RFX4: variants seen among roughly 807,000 people sequenced by gnomAD.
RFX4 encodes regulatory factor X4, also known as transcription factor RFX4.
RFX4 carries 10 observed loss-of-function variants against 95.0 expected under a neutral mutation model. That is an observed-to-expected ratio of 0.11 (90% CI 0.06 to 0.18). The LOEUF is 0.18. Ranked by LOEUF, RFX4 falls within the 10% of genes least tolerant of loss-of-function variation. The pLI is 1.00. For synonymous variants in RFX4, 321 were observed against 340.7 expected, an observed-to-expected ratio of 0.94 and a Z score of 0.64; for missense variants, 640 against 922.0, an observed-to-expected ratio of 0.69 and a Z score of 3.96.
chr12:106,697,778 C>T (rs2041909535), intron 8 of RFX4, among the ~76,000 whole-genome samples: 1 of 152,060 alleles, frequency 6.6e-6, no homozygotes, highest in African/African-American at 2.4e-5. Context: ...CTTTTCCCCA[C>T]CCCTGTCTTA....
At chr12:106,630,242 G>C (rs2040392208) in intron 2 of RFX4, among the ~76,000 whole-genome samples, 1 of 152,002 alleles carries the variant, frequency 6.6e-6, no homozygotes, top group Non-Finnish European at 1.5e-5. Flanking sequence ...TGTGGTTTTT[G>C]TTTCCCTCAC....
At chr12:106,730,864 G>T (rs2042597701) in intron 13 of RFX4, among the ~76,000 whole-genome samples, 1 of 152,194 alleles carries the variant, frequency 6.6e-6, no homozygotes, top group Non-Finnish European at 1.5e-5. Context: ...GCCAGGCATG[G>T]TGGCACGCAC....
At chr12:106,732,358 T>C in intron 14 of RFX4, 109 bp downstream of exon 14, 3 of 1,451,728 alleles carry the variant, frequency 2.1e-6, no homozygotes, top group Non-Finnish European at 2.8e-6. Flanking sequence ...TTAGTTATGG[T>C]GAACAGGTTA....
intron 5 of RFX4, chr12:106,682,420 G>GC: frequency 3.7e-6 from 1 of 267,648 alleles, no homozygotes; most frequent in South Asian, 6.9e-5. Flanking sequence ...CTGATAGTAT[G>GC]CAGTAGACCA....
At chr12:106,589,630 C>T (rs1328965633) in intron 1 of RFX4, among the ~76,000 whole-genome samples, 1 of 152,182 alleles carries the variant, frequency 6.6e-6, no homozygotes, top group African/African-American at 2.4e-5. Flanking sequence ...CACTCATGCC[C>T]TCTCCCCACC....
At chr12:106,692,011 G>C (rs570769453) in intron 7 of RFX4, among the ~76,000 whole-genome samples, 154 of 152,234 alleles carry the variant, frequency 1.0e-3, no homozygotes, top group Admixed American at 2.7e-3. Flanking sequence ...ACAAAAATTA[G>C]CTGGACGTGG....
chr12:106,607,617 T>A (rs963210389), intron 1 of RFX4, among the ~76,000 whole-genome samples: 64 of 152,302 alleles, frequency 4.2e-4, no homozygotes, highest in Non-Finnish European at 6.3e-4. Flanking sequence ...CTAATTTTTT[T>A]ATGAAATAAA....
chr12:106,689,180 G>T, intron 6 of RFX4, 107 bp from the exon 7 acceptor site: 1 of 929,456 alleles, frequency 1.1e-6, no homozygotes, highest in South Asian at 1.3e-5. Flanking sequence ...TAGGTGAATT[G>T]CATCCCCCCC....
chr12:106,623,063 G>A (rs2040217611), intron 2 of RFX4, among the ~76,000 whole-genome samples: 1 of 140,688 alleles, frequency 7.1e-6, no homozygotes, highest in Non-Finnish European at 1.5e-5. Flanking sequence ...TTTTGAGATG[G>A]AGTCTTGCTC....
chr12:106,720,755 G>A lies in RFX4; in HGVS notation c.1234-4G>A, dbSNP rs1442888157. 3 of 1,613,764 alleles carry A rather than the reference G, an allele frequency of 1.9e-6. No homozygotes were observed. Among genetic ancestry groups the A allele is most frequent in the Admixed American group, 1.7e-5 (1 of 60,026 alleles). ...CACTATTAAAGCCATTTACTTTCTT[G>A]TAGGTGGCTGCCAAGAGACAAGGGT... On this transcript the variant is annotated splice_polypyrimidine_tract_variant and splice_region_variant and intron_variant, in intron 12 of 17. Coordinates refer to ENST00000392842, the MANE Select transcript of RFX4 (RefSeq NM_213594.3). The surrounding 1 kb of genome is among the most constrained non-coding windows in gnomAD (Gnocchi z 4.2).
chr12:106,711,106 G>A (rs539711599), intron 9 of RFX4, among the ~76,000 whole-genome samples: 28 of 152,252 alleles, frequency 1.8e-4, no homozygotes, highest in Non-Finnish European at 3.5e-4. Flanking sequence ...AATTATTTAC[G>A]GGGAGAAGTG....
At chr12:106,620,073 G>C (rs1214136933) in intron 2 of RFX4, among the ~76,000 whole-genome samples, 4 of 152,078 alleles carry the variant, frequency 2.6e-5, no homozygotes, top group Admixed American at 2.6e-4. Context: ...GATAAGTCTA[G>C]TATCTGAATT....
intron 17 of RFX4, among the ~76,000 whole-genome samples, chr12:106,756,454 C>T (rs768140444): frequency 9.9e-5 from 15 of 152,214 alleles, no homozygotes; most frequent in Non-Finnish European, 2.1e-4. Context: ...CAGCTAATCA[C>T]CCCCTCTCAC....
In RFX4 at chr12:106,720,921, TG is replaced by T; in HGVS notation, c.1351+48del. 6.4e-7 allele frequency: 1 copy of T among 1,551,574 alleles called. No homozygotes were observed. The highest frequency in any genetic ancestry group is 8.9e-7 in the Non-Finnish European group (1 of 1,124,840). ...CCCCATCTCCAAGCACTTTTTCCTC[TG>T]GGCACGGAGCCCAGAGGAATCTACC... On this transcript the variant is annotated intron_variant, in intron 13 of 17. Coordinates refer to ENST00000392842, the MANE Select transcript of RFX4 (RefSeq NM_213594.3). The surrounding 1 kb of genome is among the most constrained non-coding windows in gnomAD (Gnocchi z 4.2).
At chr12:106,629,193 T>C (rs1242720351) in intron 2 of RFX4, among the ~76,000 whole-genome samples, 1 of 152,166 alleles carries the variant, frequency 6.6e-6, no homozygotes, top group Non-Finnish European at 1.5e-5. Context: ...TCTTTTTTGG[T>C]TTTCATCTTT....
intron 2 of RFX4, among the ~76,000 whole-genome samples, chr12:106,628,183 C>T (rs910259558): frequency 3.9e-5 from 6 of 152,212 alleles, no homozygotes; most frequent in African/African-American, 1.4e-4. Flanking sequence ...TATCTGTCCT[C>T]TCTTCACCAG....
At chr12:106,656,356 T>C (rs1565966889) in intron 4 of RFX4, among the ~76,000 whole-genome samples, 2 of 152,208 alleles carry the variant, frequency 1.3e-5, no homozygotes, top group Non-Finnish European at 2.9e-5. Context: ...GAATGAAACG[T>C]TCCCAGCATC....
At position 106,715,430 on chromosome 12, in the gene RFX4, A is replaced by G. The variant is rs763486427; in HGVS notation, c.1024A>G (p.Ile342Val). 6.2e-6 allele frequency: 10 copies of G among 1,614,098 alleles called. No homozygotes were observed. In the South Asian group the frequency reaches 7.7e-5, roughly 12 times the overall value. ...TCGAACAGTGATCCACAGTGCAGAC[A>G]TCACGTTCCAAATGCTGGAAGACTG... ...ASRTVIHSAD[I>V]TFQMLEDWRN... Residue 342 changes from isoleucine (I) to valine (V), a missense_variant, in exon 11 of 18, where the codon ATC (isoleucine) becomes GTC (valine). Ile to Val is a conservative substitution (Grantham distance 29). This residue lies in a region of RFX4 where 96 missense variants were observed against 183.7 expected (regional missense o/e 0.52). Coordinates refer to ENST00000392842, the MANE Select transcript of RFX4 (RefSeq NM_213594.3).
intron 2 of RFX4, 33 bp from the exon 3 acceptor site, chr12:106,639,299 C>A (rs757262110): frequency 4.4e-6 from 7 of 1,596,432 alleles, no homozygotes; most frequent in Non-Finnish European, 6.0e-6. Context: ...CTGTTTCCTA[C>A]TGAAGTTAGC....
Sources: allele counts gnomAD v4.1 joint callset (sites outside exome capture counted in the v4.1 genomes callset), GRCh38; gene constraint gnomAD v4.1.1; regional missense constraint gnomAD v4.1.1; non-coding constraint Gnocchi (gnomAD v3.1); transcripts MANE v1.5; gene names NCBI Gene and HGNC (gene_info 2026-07-23, HGNC 2026-07-21).